The following KDM4C variants were observed in gnomAD, a reference collection of about 807,000 sequenced individuals.
The protein encoded by KDM4C is lysine-specific demethylase 4C.
A neutral mutation model predicts 129.3 loss-of-function variants in KDM4C; 81 were observed. The observed-to-expected ratio is 0.63, with a 90% confidence interval of 0.52 to 0.75. KDM4C has a LOEUF of 0.75. Among genes scored for constraint, KDM4C ranks in the 30% least tolerant of loss-of-function variants. The pLI is 0.00. For synonymous variants in KDM4C, 573 were observed against 456.1 expected (o/e 1.26, Z -3.26); for missense variants, 1,457 against 1,304.0 (o/e 1.12, Z -1.81).
intron 4 of KDM4C, among the ~76,000 whole-genome samples, chr9:6,823,687 C>G (rs1161599110): frequency 1.3e-5 from 2 of 152,318 alleles, no homozygotes; most frequent in East Asian, 3.9e-4. Flanking sequence ...GGTCTCCTAC[C>G]CTGAGAATGG....
intron 1 of KDM4C, among the ~76,000 whole-genome samples, chr9:6,739,422 C>T (rs1247514563): frequency 1.3e-5 from 2 of 151,920 alleles, no homozygotes; most frequent in African/African-American, 4.8e-5. Flanking sequence ...TTAAAATCTG[C>T]CATCTAGTGT....
Position 6,964,132 on chromosome 9 carries a change from C to T in KDM4C, c.922-16793C>T, listed in dbSNP as rs531185670. On this transcript the variant is annotated intron_variant, in intron 8 of 21. Coordinates refer to ENST00000381309, the MANE Select transcript of KDM4C (RefSeq NM_015061.6). ...TACTTTAAGTTCTAGGCTACATGTG[C>T]ACAACGTGCAGGTTTGTTACACATG... Among the ~76,000 whole-genome samples the T allele has an allele frequency of 2.0e-5, 3 of 152,222 alleles. No homozygotes were observed. The East Asian group carries it at 5.8e-4, about 29-fold the overall frequency.
intron 5 of KDM4C, among the ~76,000 whole-genome samples, chr9:6,878,306 T>C: frequency 6.6e-6 from 1 of 152,220 alleles, no homozygotes; most frequent in Non-Finnish European, 1.5e-5. Flanking sequence ...AATAATTAGT[T>C]ATGATTTTAA....
rs557977825 is a variant in KDM4C, at chr9:7,094,734, T to A, written c.2425-8951T>A. On this transcript the variant is annotated intron_variant, in intron 17 of 21. Transcript: ENST00000381309. ...ACATGTCTGCACTGCATTGACTTTA[T>A]AGCTTTTCATCACTGTTTCCTCAGT... 2.0e-5 allele frequency among the ~76,000 whole-genome samples: 3 copies of A among 152,332 alleles called. No homozygotes were observed. The East Asian group carries it at 5.8e-4, about 29-fold the overall frequency.
intron 1 of KDM4C, among the ~76,000 whole-genome samples, chr9:6,775,812 C>T (rs1048465838): frequency 1.3e-5 from 2 of 152,162 alleles, no homozygotes; most frequent in Non-Finnish European, 2.9e-5. Context: ...TGAGCCACTG[C>T]GCCCAGCGAC....
chr9:7,035,166 C>T (rs1827412909), intron 15 of KDM4C, among the ~76,000 whole-genome samples: 1 of 150,790 alleles, frequency 6.6e-6, no homozygotes, highest in Non-Finnish European at 1.5e-5. Flanking sequence ...GCACATGCCA[C>T]CACACCCAGC....
chr9:6,853,146 T>C (rs1379242110), intron 5 of KDM4C, among the ~76,000 whole-genome samples: 1 of 152,100 alleles, frequency 6.6e-6, no homozygotes, highest in African/African-American at 2.4e-5. Flanking sequence ...GTTAAATTAT[T>C]TTAGATCCAT....
At chr9:7,022,304 T>A (rs10758819) in intron 15 of KDM4C, among the ~76,000 whole-genome samples, 69,906 of 151,938 alleles carry the variant, frequency 0.46, 16,293 homozygotes, top group South Asian at 0.6. Context: ...ATCTTTCCAT[T>A]TTTTTGTTTC....
At chr9:6,734,668 C>G (rs1817464320) in intron 1 of KDM4C, 1 of 290,716 alleles carries the variant, frequency 3.4e-6, no homozygotes, top group African/African-American at 2.2e-5. Context: ...AAAGTAATTG[C>G]CGAGGCTGAC....
chr9:6,832,271 C>T (rs1400312531), intron 4 of KDM4C, among the ~76,000 whole-genome samples: 7 of 147,612 alleles, frequency 4.7e-5, no homozygotes, highest in South Asian at 2.2e-4. Flanking sequence ...ACCCGGGAGG[C>T]GGAGCTTGCA....
intron 19 of KDM4C, among the ~76,000 whole-genome samples, chr9:7,162,832 G>A (rs756460594): frequency 2.0e-5 from 3 of 152,184 alleles, no homozygotes; most frequent in East Asian, 1.9e-4. Context: ...TTCCTGAGGC[G>A]TTGACTTGCC....
intron 1 of KDM4C, among the ~76,000 whole-genome samples, chr9:6,749,268 C>T (rs183704330): frequency 6.6e-6 from 1 of 152,272 alleles, no homozygotes; most frequent in Non-Finnish European, 1.5e-5. Flanking sequence ...ATTCACTCAC[C>T]TCAGCCTCCC....
At chr9:7,137,081 A>C (rs904102290) in intron 19 of KDM4C, among the ~76,000 whole-genome samples, 2 of 152,214 alleles carry the variant, frequency 1.3e-5, no homozygotes, top group Non-Finnish European at 2.9e-5. Context: ...AAAACTTTGA[A>C]ACCACTGGTT....
Position 6,740,825 on chromosome 9 carries a change from A to G in KDM4C, c.49+19828A>G, listed in dbSNP as rs1175360462. Among the ~76,000 whole-genome samples the G allele has an allele frequency of 1.1e-4, 11 of 99,664 alleles. No homozygotes were observed. In the East Asian group the frequency reaches 1.6e-3, roughly 15 times the overall value. The allele number at this position is 99,664 out of a possible 152,430, so 65.4% of individuals were successfully genotyped here. ...TGAGCCACTGTATCCAGCCAGTAGT[A>G]TAATTATTTTCTTTTTTTTTGAGAC... is the stretch of plus-strand genomic sequence containing the variant. On this transcript the variant is annotated intron_variant, in intron 1 of 17. Transcript: ENST00000536108.
At chr9:7,128,879 G>T (rs16925433) in intron 19 of KDM4C, among the ~76,000 whole-genome samples, 4 of 152,040 alleles carry the variant, frequency 2.6e-5, no homozygotes, top group African/African-American at 4.8e-5. Context: ...CTCATTCTGA[G>T]GAACTAGTGA....
chr9:7,030,906 A>G (rs768733580), intron 15 of KDM4C, among the ~76,000 whole-genome samples: 2 of 152,160 alleles, frequency 1.3e-5, no homozygotes, highest in Non-Finnish European at 2.9e-5. Flanking sequence ...CTCATTCCAT[A>G]TAATGGAATG....
At position 6,984,493 on chromosome 9, in the gene KDM4C, C is replaced by G. The variant is rs148714309; in HGVS notation, c.1354+89C>G. 514 of 813,384 alleles carry G rather than the reference C, an allele frequency of 6.3e-4. 2 individuals are homozygous for G. The highest frequency in any genetic ancestry group is 5.1e-3 in the African/African-American group (300 of 59,366). 50.4% of individuals were successfully genotyped at this position (813,384 alleles called of 1,614,324 possible). A position where few individuals can be genotyped will look rare whatever the true frequency, so the allele number is the denominator to read the frequency against. On this transcript the variant is annotated intron_variant, in intron 10 of 21. Coordinates refer to ENST00000381309, the MANE Select transcript of KDM4C (RefSeq NM_015061.6). ...AATGGATGTTCACTATGACAAGTATCTGACTAGTCCACATAGCTTAATCAG... is the reference window on the plus strand; with the variant it reads ...AATGGATGTTCACTATGACAAGTATGTGACTAGTCCACATAGCTTAATCAG...
intron 17 of KDM4C, among the ~76,000 whole-genome samples, chr9:7,068,056 A>G (rs773442058): frequency 6.6e-6 from 1 of 152,158 alleles, no homozygotes; most frequent in African/African-American, 2.4e-5. Flanking sequence ...TCGGCCTCCC[A>G]AAGTGCTGGG....
At chr9:6,904,984 C>T (rs1167779462) in intron 8 of KDM4C, among the ~76,000 whole-genome samples, 1 of 152,142 alleles carries the variant, frequency 6.6e-6, no homozygotes, top group Non-Finnish European at 1.5e-5. Context: ...AAATCCTCAG[C>T]ACAACAAAAT....
Sources: gnomAD v4.1 joint callset for allele counts (sites outside exome capture counted in the v4.1 genomes callset) on GRCh38, gnomAD v4.1.1 for gene constraint, MANE v1.5 for transcripts, NCBI Gene and HGNC (gene_info 2026-07-23, HGNC 2026-07-21) for gene names.